Variants in ZNF385D observed in about 807,000 individuals in gnomAD.
The protein encoded by ZNF385D is zinc finger protein 659.
In ZNF385D, 15 loss-of-function variants were observed where a neutral mutation model predicts 35.8. The observed-to-expected ratio is 0.42, with a 90% confidence interval of 0.28 to 0.64. ZNF385D has a LOEUF of 0.64. Ranked by LOEUF, ZNF385D falls within the 30% of genes least tolerant of loss-of-function variation. The pLI, the probability that ZNF385D is intolerant of heterozygous loss-of-function variation, is 0.23. For missense variants in ZNF385D, 474 were observed against 494.6 expected, an observed-to-expected ratio of 0.96 and a Z score of 0.39; for synonymous variants, 212 against 186.8, an observed-to-expected ratio of 1.13 and a Z score of -1.10.
intron 1 of ZNF385D, 75 bp from the exon 2 acceptor site, chr3:21,665,103 A>C: frequency 6.8e-7 from 1 of 1,477,046 alleles, no homozygotes; most frequent in Non-Finnish European, 9.0e-7. Flanking sequence ...CTTTTGAGAC[A>C]AAAAAGGCCA....
chr3:21,418,663 G>A lies in ZNF385D; in HGVS notation c.*2551C>T, dbSNP rs1391297616. The A allele has an allele frequency of 6.6e-6, 1 of 152,092 alleles. No homozygotes were observed. The highest frequency in any genetic ancestry group is 1.9e-4 in the East Asian group (1 of 5,184). The allele number at this position is 152,092 out of a possible 1,614,324, so 9.4% of individuals were successfully genotyped here. Reference sequence around the variant, plus strand: ...ACCCAGGACACTGTGTATCCCATAGGCCCTGATTTTTAGTGGACTGGCTCA... The same window carrying A: ...ACCCAGGACACTGTGTATCCCATAGACCCTGATTTTTAGTGGACTGGCTCA... On this transcript the variant is annotated 3_prime_UTR_variant, in exon 8 of 8. Transcript: ENST00000281523.
At chr3:21,703,257 G>T (rs1415478459) in intron 1 of ZNF385D, among the ~76,000 whole-genome samples, 1 of 152,042 alleles carries the variant, frequency 6.6e-6, no homozygotes, top group Non-Finnish European at 1.5e-5. Context: ...AAGCAAAAGT[G>T]GAAACCCCTG....
rs1359810228 is a variant in ZNF385D, at chr3:21,987,877, C to CT, written c.325+180939dup. Among the ~76,000 whole-genome samples, 15 of 140,322 alleles carry CT rather than the reference C, an allele frequency of 1.1e-4. 2 individuals are homozygous for CT. The highest frequency in any genetic ancestry group is 9.3e-5 in the Non-Finnish European group (6 of 64,658). The allele number at this position is 140,322 out of a possible 152,430, so 92.1% of individuals were successfully genotyped here. On this transcript the variant is annotated intron_variant, in intron 3 of 5. Transcript: ENST00000494108. ...GAGGCTTTGCTCATTTCTTTTTATTCTTTTTTCTCTAAACTTCCCTTCTCA... is the reference window on the plus strand; with the variant it reads ...GAGGCTTTGCTCATTTCTTTTTATTCTTTTTTTCTCTAAACTTCCCTTCTCA...
At chr3:22,224,038 G>GA in intron 2 of ZNF385D, among the ~76,000 whole-genome samples, 1 of 152,004 alleles carries the variant, frequency 6.6e-6, no homozygotes, top group Non-Finnish European at 1.5e-5. Flanking sequence ...ATTACAGTAT[G>GA]AAAAAATCCT....
intron 3 of ZNF385D, among the ~76,000 whole-genome samples, chr3:22,080,856 A>C (rs1316756194): frequency 1.3e-5 from 2 of 152,134 alleles, no homozygotes; most frequent in Admixed American, 1.3e-4. Flanking sequence ...GTGAGGACAC[A>C]GTAAGAAGGC....
chr3:22,281,697 C>T (rs1701750002), intron 2 of ZNF385D, among the ~76,000 whole-genome samples: 1 of 151,542 alleles, frequency 6.6e-6, no homozygotes. Flanking sequence ...CTGGTGTGTA[C>T]TTTTCTTTTT....
chr3:22,234,938 C>T (rs1224524608), intron 2 of ZNF385D, among the ~76,000 whole-genome samples: 2 of 151,922 alleles, frequency 1.3e-5, no homozygotes, highest in African/African-American at 4.8e-5. Flanking sequence ...GGCAAAATAT[C>T]TTCAAGTAAA....
At chr3:22,127,482 A>G (rs9811963) in intron 3 of ZNF385D, among the ~76,000 whole-genome samples, 36,385 of 150,468 alleles carry the variant, frequency 0.24, 4,660 homozygotes, top group East Asian at 0.43. Flanking sequence ...TGGGATTACA[A>G]GCACCTGCCA....
At chr3:21,962,238 A>G (rs1385577824) in intron 3 of ZNF385D, among the ~76,000 whole-genome samples, 3 of 152,170 alleles carry the variant, frequency 2.0e-5, no homozygotes, top group Admixed American at 1.3e-4. Context: ...AGAGAAGTAG[A>G]GAAATGAAGA....
chr3:22,023,699 T>A (rs1039679863), intron 3 of ZNF385D, among the ~76,000 whole-genome samples: 1 of 152,032 alleles, frequency 6.6e-6, no homozygotes, highest in African/African-American at 2.4e-5. Context: ...TAAATCTCAA[T>A]AGAAATTATT....
intron 3 of ZNF385D, among the ~76,000 whole-genome samples, chr3:22,161,879 T>C (rs1705977682): frequency 6.6e-6 from 1 of 152,156 alleles, no homozygotes; most frequent in East Asian, 1.9e-4. Context: ...AGAATATAAG[T>C]TTGCCAGGGA....
chr3:21,777,884 C>T (rs1209652357), intron 3 of ZNF385D: 2 of 151,782 alleles, frequency 1.3e-5, no homozygotes, highest in Admixed American at 6.6e-5. Flanking sequence ...ACATGTGGAA[C>T]AGAGACACCC....
intron 2 of ZNF385D, among the ~76,000 whole-genome samples, chr3:21,567,382 A>ATCT (rs2063185994): frequency 6.6e-6 from 1 of 152,030 alleles, no homozygotes; most frequent in Non-Finnish European, 1.5e-5. Context: ...ACCTTCCTCA[A>ATCT]TCTTTTATTA....
At chr3:21,855,642 T>C (rs1303082163) in intron 3 of ZNF385D, among the ~76,000 whole-genome samples, 1 of 152,070 alleles carries the variant, frequency 6.6e-6, no homozygotes, top group Non-Finnish European at 1.5e-5. Context: ...GACCTGGAGC[T>C]CTTCTGTTTG....
chr3:21,938,266 GA>G (rs1299783757), intron 3 of ZNF385D, among the ~76,000 whole-genome samples: 3 of 152,186 alleles, frequency 2.0e-5, no homozygotes, highest in Non-Finnish European at 4.4e-5. Flanking sequence ...GAACCCAGAA[GA>G]ACGTTTTTGT....
At chr3:21,625,099 C>T (rs917433342) in intron 2 of ZNF385D, among the ~76,000 whole-genome samples, 5 of 151,966 alleles carry the variant, frequency 3.3e-5, no homozygotes, top group African/African-American at 1.2e-4. Context: ...TCAAAATTGA[C>T]TTTCGGAAAA....
intron 3 of ZNF385D, among the ~76,000 whole-genome samples, chr3:21,796,108 A>C (rs2072139655): frequency 6.6e-6 from 1 of 151,820 alleles, no homozygotes; most frequent in Non-Finnish European, 1.5e-5. Context: ...TTTCCTGTTT[A>C]TTTTTTTTGT....
chr3:22,037,067 T>C (rs1483423605), intron 3 of ZNF385D, among the ~76,000 whole-genome samples: 3 of 152,182 alleles, frequency 2.0e-5, no homozygotes, highest in East Asian at 1.9e-4. Context: ...CTGCATAGTA[T>C]TTTATGGTGT....
At chr3:22,067,738 A>T (rs1576257659) in intron 3 of ZNF385D, among the ~76,000 whole-genome samples, 2 of 152,332 alleles carry the variant, frequency 1.3e-5, no homozygotes, top group East Asian at 3.9e-4. Flanking sequence ...ATACAAAAAT[A>T]TCTGGCTGGG....
Sources: gnomAD v4.1 joint callset for allele counts (sites outside exome capture counted in the v4.1 genomes callset) on GRCh38, gnomAD v4.1.1 for gene constraint, MANE v1.5 for transcripts, NCBI Gene and HGNC (gene_info 2026-07-23, HGNC 2026-07-21) for gene names.